Variants in LRRC66 observed in about 807,000 individuals in gnomAD.
LRRC66 encodes leucine-rich repeat-containing protein 66.
Under a neutral mutation model 24.6 loss-of-function variants are expected in LRRC66, and 29 were observed. The ratio of observed to expected loss-of-function variants is 1.18; its 90% CI spans 0.88 to 1.61. The LOEUF is 1.61. Ranked by LOEUF, LRRC66 falls within the 40% of genes most tolerant of loss-of-function variation. The probability of loss-of-function intolerance (pLI) is 0.00; values close to 1 mark genes in which losing one functional copy is unlikely to be tolerated. For missense variants in LRRC66, 1,124 were observed against 1,058.0 expected (o/e 1.06, Z -0.87); for synonymous variants, 411 against 397.6 (o/e 1.03, Z -0.40).
Position 52,003,360 on chromosome 4 carries a change from C to G in LRRC66, c.529G>C (p.Asp177His). 6.2e-7 allele frequency: 1 copy of G among 1,613,278 alleles called. No homozygotes were observed. The highest frequency in any genetic ancestry group is 8.5e-7 in the Non-Finnish European group (1 of 1,179,796). ...LWKLKSLQSL[D>H]LSFNGILQIG... is the part of the protein sequence containing the mutation. ...TGCAATATCCCATTGAATGACAGATCCAAACTCTGCAATGACTTCAGTTTC... is the reference window on the plus strand; with the variant it reads ...TGCAATATCCCATTGAATGACAGATGCAAACTCTGCAATGACTTCAGTTTC... Residue 177 changes from aspartate (D) to histidine (H), a missense_variant, in exon 3 of 5, where the codon GAT (aspartate) becomes CAT (histidine). Transcript: ENST00000682860.
chr4:52,018,137 C>G (rs1736862305), intron 1 of LRRC66: 1 of 985,246 alleles, frequency 1.0e-6, no homozygotes, highest in African/African-American at 1.7e-5. Flanking sequence ...CTTTTCATGA[C>G]TAGAAGAAAT....
rs375601568 is a variant in LRRC66, at chr4:52,017,652, A to G, written c.-5-34T>C. Reference sequence around the variant, plus strand: ...AGGAAAATGAATTGACTTATTCACAATAATATATAAAAACTAACAGCAATA... The same window carrying G: ...AGGAAAATGAATTGACTTATTCACAGTAATATATAAAAACTAACAGCAATA... On this transcript the variant is annotated intron_variant, in intron 1 of 4. Coordinates refer to ENST00000682860, the MANE Select transcript of LRRC66 (RefSeq NM_001024611.3). 3.1e-4 allele frequency: 458 copies of G among 1,479,716 alleles called. 1 individual carries two copies. The highest frequency in any genetic ancestry group is 3.9e-4 in the Non-Finnish European group (434 of 1,125,274). 91.7% of individuals were successfully genotyped at this position (1,479,716 alleles called of 1,614,324 possible). A position where few individuals can be genotyped will look rare whatever the true frequency, so the allele number is the denominator to read the frequency against.
chr4:52,009,728 C>T (rs1736656781), intron 2 of LRRC66, among the ~76,000 whole-genome samples: 1 of 152,098 alleles, frequency 6.6e-6, no homozygotes, highest in African/African-American at 2.4e-5. Flanking sequence ...AACTCCTGTT[C>T]AGATAGCTTC....
intron 1 of LRRC66, among the ~76,000 whole-genome samples, chr4:52,019,278 T>C (rs941297411): frequency 1.2e-4 from 18 of 152,198 alleles, no homozygotes; most frequent in African/African-American, 4.1e-4. Flanking sequence ...CAGAAATCTT[T>C]CAGTAAACAC....
chr4:52,014,466 A>G (rs1426115850), intron 2 of LRRC66, among the ~76,000 whole-genome samples: 2 of 152,130 alleles, frequency 1.3e-5, no homozygotes, highest in African/African-American at 4.8e-5. Flanking sequence ...TTTGAGATAC[A>G]TTTTTTCATT....
rs1222192493 is a variant in LRRC66, at chr4:51,993,980, AGAACC to A, written c.*394_*398del. ...AGGTCTGTATTTGAGAAGGAAAGTT[AGAACC>A]ACTTCGTCTAACTGCAACAGATTCT... On this transcript the variant is annotated 3_prime_UTR_variant, in exon 5 of 5. Coordinates refer to ENST00000682860, the MANE Select transcript of LRRC66 (RefSeq NM_001024611.3). 5 of 165,762 alleles carry A rather than the reference AGAACC, an allele frequency of 3.0e-5. No individual in the cohort carries two copies. Among genetic ancestry groups the A allele is most frequent in the Non-Finnish European group, 6.5e-5 (5 of 77,088 alleles). 10.3% of individuals were successfully genotyped at this position (165,762 alleles called of 1,614,324 possible). A position where few individuals can be genotyped will look rare whatever the true frequency, so the allele number is the denominator to read the frequency against.
At chr4:52,019,068 T>G (rs1379739751) in intron 1 of LRRC66, among the ~76,000 whole-genome samples, 3 of 152,112 alleles carry the variant, frequency 2.0e-5, no homozygotes, top group African/African-American at 7.2e-5. Flanking sequence ...AGAGATGAGG[T>G]TTCTCCATGT....
At chr4:52,019,701 C>G (rs1367967718) in intron 1 of LRRC66, among the ~76,000 whole-genome samples, 1 of 152,078 alleles carries the variant, frequency 6.6e-6, no homozygotes, top group Non-Finnish European at 1.5e-5. Flanking sequence ...AAGCTGAGAT[C>G]ATTATATATA....
rs986757421 is a variant in LRRC66 at position 51,995,205 on chromosome 4, C to T, written c.1817G>A (p.Arg606Lys). 1.2e-6 allele frequency: 2 copies of T among 1,614,108 alleles called. No individual in the cohort carries two copies. Among genetic ancestry groups the T allele is most frequent in the Non-Finnish European group, 1.7e-6 (2 of 1,180,050 alleles). ...EAQRTGDSKE[R>K]GGTEQSLWDS... Reference sequence around the variant, plus strand: ...CCAAAGTGACTGTTCAGTGCCCCCTCTTTCCTTACTATCTCCAGTCCTCTG... The same window carrying T: ...CCAAAGTGACTGTTCAGTGCCCCCTTTTTCCTTACTATCTCCAGTCCTCTG... The change falls in exon 5 of 5, where the codon AGA (arginine) becomes AAA (lysine). Residue 606 changes from arginine to lysine, a missense_variant. Coordinates refer to ENST00000682860, the MANE Select transcript of LRRC66 (RefSeq NM_001024611.3).
At chr4:52,019,170 C>A (rs972298157) in intron 1 of LRRC66, among the ~76,000 whole-genome samples, 16 of 152,204 alleles carry the variant, frequency 1.1e-4, no homozygotes, top group Non-Finnish European at 1.5e-5. Flanking sequence ...CCACCACACC[C>A]GGCCAGCCAC....
rs200015099 is a variant in LRRC66, at chr4:51,994,526, G to A, written c.2496C>T (p.Ser832=). ...GTGAGCAATGCCATTCTGCTGCCTTGGATTGAAGAGCTGTGTCATAATCAT... is the reference window on the plus strand; with the variant it reads ...GTGAGCAATGCCATTCTGCTGCCTTAGATTGAAGAGCTGTGTCATAATCAT... ...FTYDYDTALQ[S]KAAEWHCSLR... is the part of the protein sequence containing the mutation. Residue 832 remains serine, a synonymous_variant, in exon 5 of 5, where the codon TCC becomes TCT. Transcript: ENST00000682860. 49 of 1,613,954 alleles carry A rather than the reference G, an allele frequency of 3.0e-5. No individual in the cohort carries two copies. The highest frequency in any genetic ancestry group is 4.5e-5 in the East Asian group (2 of 44,886).
rs753129496 is a variant in LRRC66 at position 51,994,351 on chromosome 4, C to T, written c.*28G>A. The T allele has an allele frequency of 1.2e-5, 19 of 1,561,540 alleles. No individual in the cohort carries two copies. Among genetic ancestry groups the T allele is most frequent in the Middle Eastern group, 3.4e-4 (2 of 5,824 alleles). ...ATCTTTAAAAGAATATTGTTTAGAG[C>T]TGTGAATATTTCCTTAATGAAAGAT... On this transcript the variant is annotated 3_prime_UTR_variant, in exon 5 of 5. Coordinates refer to ENST00000682860, the MANE Select transcript of LRRC66 (RefSeq NM_001024611.3).
At chr4:52,005,599 CAACAA>C (rs1736557920) in intron 2 of LRRC66, among the ~76,000 whole-genome samples, 6 of 9,980 alleles carry the variant, frequency 6.0e-4, no homozygotes, top group African/African-American at 2.9e-3. Context: ...AACAAACAAA[CAACAA>C]AAAAAAAAAA....
chr4:51,998,297 C>G (rs1415431072), intron 3 of LRRC66, among the ~76,000 whole-genome samples: 1 of 152,168 alleles, frequency 6.6e-6, no homozygotes, highest in Non-Finnish European at 1.5e-5. Flanking sequence ...TTATCAAGGT[C>G]TAGAATTGGA....
intron 2 of LRRC66, among the ~76,000 whole-genome samples, chr4:52,004,315 T>A (rs547835123): frequency 7.9e-5 from 12 of 152,364 alleles, no homozygotes; most frequent in African/African-American, 2.9e-4. Context: ...GTTGTCTTAT[T>A]CTATTTTGTA....
chr4:51,999,145 A>C (rs1238764504), intron 3 of LRRC66, among the ~76,000 whole-genome samples: 1 of 152,144 alleles, frequency 6.6e-6, no homozygotes, highest in Non-Finnish European at 1.5e-5. Context: ...AGGTTTGGGG[A>C]GAGGCACATG....
chr4:52,012,698 G>A (rs1736729947), intron 2 of LRRC66, among the ~76,000 whole-genome samples: 1 of 152,164 alleles, frequency 6.6e-6, no homozygotes, highest in African/African-American at 2.4e-5. Context: ...AGAGTTGAAT[G>A]CTGGGAGGAA....
chr4:52,010,012 G>A (rs1736664900), intron 2 of LRRC66, among the ~76,000 whole-genome samples: 2 of 151,954 alleles, frequency 1.3e-5, no homozygotes, highest in African/African-American at 2.4e-5. Flanking sequence ...TTCATCCCAC[G>A]AATGCAAAGT....
At chr4:52,016,555 T>C (rs1451860365) in intron 2 of LRRC66, among the ~76,000 whole-genome samples, 1 of 152,136 alleles carries the variant, frequency 6.6e-6, no homozygotes, top group East Asian at 1.9e-4. Flanking sequence ...TTTATGATAA[T>C]TGGAGGCTAT....
Sources: gnomAD v4.1 joint callset for allele counts (sites outside exome capture counted in the v4.1 genomes callset) on GRCh38, gnomAD v4.1.1 for gene constraint, MANE v1.5 for transcripts, NCBI Gene and HGNC (gene_info 2026-07-23, HGNC 2026-07-21) for gene names.